The following ETV5 variants were observed in gnomAD, a reference collection of about 807,000 sequenced individuals.
ETV5 encodes the protein ETS translocation variant 5.
ETV5 carries 10 observed loss-of-function variants against 70.0 expected under a neutral mutation model. That is an observed-to-expected ratio of 0.14 (90% CI 0.09 to 0.24). ETV5 has a LOEUF of 0.24. Among genes scored for constraint, ETV5 ranks in the 10% least tolerant of loss-of-function variants. ETV5 has a pLI of 1.00. For missense variants in ETV5, 453 were observed against 651.2 expected (o/e 0.70, Z 3.31); for synonymous variants, 216 against 242.2 (o/e 0.89, Z 1.01).
intron 5 of ETV5, among the ~76,000 whole-genome samples, chr3:186,094,180 T>C (rs1304670519): frequency 1.3e-5 from 2 of 152,226 alleles, no homozygotes; most frequent in South Asian, 4.1e-4. Context: ...AAATTCTTTG[T>C]ATTAATGCTT....
chr3:186,051,429 T>G (rs1175070282), intron 12 of ETV5, among the ~76,000 whole-genome samples: 1 of 152,232 alleles, frequency 6.6e-6, no homozygotes, highest in Admixed American at 6.5e-5. Flanking sequence ...TTGCTACCTA[T>G]CCCACGAAGA....
At chr3:186,074,859 CAAAAAA>C (rs747453303) in intron 7 of ETV5, among the ~76,000 whole-genome samples, 11 of 76,470 alleles carry the variant, frequency 1.4e-4, no homozygotes, top group African/African-American at 4.4e-4. Flanking sequence ...ACTCTGTCTC[CAAAAAA>C]AAAAAAAAAA....
In ETV5 at chr3:186,057,431, C is replaced by T. The variant is rs1431724669; in HGVS notation, c.1031G>A (p.Arg344Lys). The T allele has an allele frequency of 6.2e-7, 1 of 1,614,090 alleles. No individual in the cohort carries two copies. The highest frequency in any genetic ancestry group is 1.1e-5 in the South Asian group (1 of 91,060). ...YFDDTCVVPE[R>K]LEGKVKQEPT... ...TGGATGGGGCTACTTACCTTCCAGTCTCTCAGGCACAACACAAGTGTCGTC... is the reference window on the plus strand; with the variant it reads ...TGGATGGGGCTACTTACCTTCCAGTTTCTCAGGCACAACACAAGTGTCGTC... Residue 344 changes from arginine to lysine, a missense_variant, in exon 10 of 13, where the codon AGA becomes AAA. Transcript: ENST00000306376. This position sits in a 1 kb window ranked among gnomAD's most constrained non-coding sequence, Gnocchi z 4.9.
At chr3:186,049,111 C>G (rs1712957711) in intron 12 of ETV5, among the ~76,000 whole-genome samples, 1 of 152,162 alleles carries the variant, frequency 6.6e-6, no homozygotes, top group Admixed American at 6.6e-5. Context: ...AGAAAATCTT[C>G]ACTTTCTGTC....
chr3:186,080,699 C>T (rs1713911438), intron 6 of ETV5: 2 of 232,786 alleles, frequency 8.6e-6, no homozygotes, highest in Non-Finnish European at 8.5e-6. Context: ...TTCTCTGGTG[C>T]TTAAAGTTCA....
In ETV5 at chr3:186,092,833, C is replaced by T. The variant is rs188244052; in HGVS notation, c.233-11658G>A. On this transcript the variant is annotated intron_variant, in intron 5 of 12. Transcript: ENST00000306376. The stretch of plus-strand genomic sequence containing the variant: ...AGTCTCTCCTCCATTGCTTGTTTAC[C>T]TCAGATAACCCTAAGTCTCTGCTAT... Among the ~76,000 whole-genome samples the T allele has an allele frequency of 9.2e-5, 14 of 152,148 alleles. No individual in the cohort carries two copies. The East Asian group carries it at 2.7e-3, about 29-fold the overall frequency.
At chr3:186,067,943 G>A (rs1713492314) in intron 7 of ETV5, among the ~76,000 whole-genome samples, 2 of 152,156 alleles carry the variant, frequency 1.3e-5, no homozygotes, top group Non-Finnish European at 2.9e-5. Context: ...AATATCTCAA[G>A]AGGAAAAAAA....
At chr3:186,068,955 C>T (rs1159496653) in intron 7 of ETV5, among the ~76,000 whole-genome samples, 1 of 152,190 alleles carries the variant, frequency 6.6e-6, no homozygotes, top group African/African-American at 2.4e-5. Context: ...AGGTCTTATT[C>T]TCTACTTTTA....
chr3:186,056,528 G>A (rs1431579956), intron 11 of ETV5, among the ~76,000 whole-genome samples: 1 of 151,900 alleles, frequency 6.6e-6, no homozygotes, highest in African/African-American at 2.4e-5. Context: ...GATTACAGGT[G>A]TGAGCCACTG....
rs965422797 is a variant in ETV5 at position 186,105,180 on chromosome 3, A to C, written c.232+125T>G. The C allele has an allele frequency of 1.4e-6, 1 of 692,476 alleles. No homozygotes were observed. Among genetic ancestry groups the C allele is most frequent in the Non-Finnish European group, 2.4e-6 (1 of 416,806 alleles). The allele number at this position is 692,476 out of a possible 1,614,324, so 42.9% of individuals were successfully genotyped here. ...TTTTCAGGGTTAATTCTGAATTATT[A>C]GAAGAAACTAAATGCATACTACTGT... On this transcript the variant is annotated intron_variant, in intron 5 of 12. Coordinates refer to ENST00000306376, the MANE Select transcript of ETV5 (RefSeq NM_004454.3). The surrounding 1 kb of genome is among the most constrained non-coding windows in gnomAD (Gnocchi z 4.5).
At chr3:186,096,577 CTTTTT>C (rs1385253569) in intron 5 of ETV5, among the ~76,000 whole-genome samples, 1 of 151,872 alleles carries the variant, frequency 6.6e-6, no homozygotes, top group Non-Finnish European at 1.5e-5. Flanking sequence ...CAGGCCTGTT[CTTTTT>C]TTAATAGGGA....
intron 5 of ETV5, among the ~76,000 whole-genome samples, chr3:186,103,811 G>A (rs1426342180): frequency 1.3e-5 from 2 of 152,268 alleles, no homozygotes; most frequent in African/African-American, 2.4e-5. Context: ...AACCATGCAT[G>A]TGTGTGTTCC....
At chr3:186,096,268 G>C (rs1297687133) in intron 5 of ETV5, among the ~76,000 whole-genome samples, 1 of 152,118 alleles carries the variant, frequency 6.6e-6, no homozygotes, top group Non-Finnish European at 1.5e-5. Context: ...TTAAAATTCA[G>C]ATGAGGAAAC....
intron 5 of ETV5, among the ~76,000 whole-genome samples, chr3:186,103,042 C>G (rs1714497041): frequency 6.6e-6 from 1 of 152,180 alleles, no homozygotes; most frequent in South Asian, 2.1e-4. Context: ...GAAGCTCTAC[C>G]TCAAGAAATA....
intron 9 of ETV5, 45 bp downstream of exon 9, chr3:186,064,372 G>C (rs1713383799): frequency 6.4e-7 from 1 of 1,554,652 alleles, no homozygotes; most frequent in Non-Finnish European, 8.9e-7. Context: ...AAGGAAGAAA[G>C]GAGAGGAGAG....
intron 7 of ETV5, among the ~76,000 whole-genome samples, chr3:186,067,260 C>T (rs535396572): frequency 5.0e-4 from 76 of 152,308 alleles, no homozygotes; most frequent in African/African-American, 1.7e-3. Flanking sequence ...TGGTGAAACC[C>T]GTCTCTACTA....
At position 186,046,416 on chromosome 3, in the gene ETV5, T is replaced by A; in HGVS notation, c.*2223A>T. 4.4e-6 allele frequency: 1 copy of A among 229,728 alleles called. No individual in the cohort carries two copies. 14.2% of individuals were successfully genotyped at this position (229,728 alleles called of 1,614,324 possible). A position where few individuals can be genotyped will look rare whatever the true frequency, so the allele number is the denominator to read the frequency against. On this transcript the variant is annotated 3_prime_UTR_variant, in exon 13 of 13. Transcript: ENST00000306376. ...CCTGCGCAGGGGAAAGTATTTCAAA[T>A]CAGCTGGCAGGTTCAAGCCTTTCTG...
In ETV5 at chr3:186,099,001, C is replaced by T. The variant is rs114107821; in HGVS notation, c.232+6304G>A. On this transcript the variant is annotated intron_variant, in intron 5 of 12. Coordinates refer to ENST00000306376, the MANE Select transcript of ETV5 (RefSeq NM_004454.3). ...GGCCTTTTAATAACTAGATCTTATC[C>T]TGCTCCCTGGAATCTTGCACTCTCT... 3.6e-3 allele frequency among the ~76,000 whole-genome samples: 553 copies of T among 152,276 alleles called. 8 individuals carry two copies. Among genetic ancestry groups the T allele is most frequent in the African/African-American group, 0.013 (527 of 41,550 alleles).
chr3:186,071,441 A>G (rs1475663116), intron 7 of ETV5, among the ~76,000 whole-genome samples: 1 of 152,188 alleles, frequency 6.6e-6, no homozygotes, highest in Non-Finnish European at 1.5e-5. Flanking sequence ...TCCAACCTTT[A>G]CCACTCAGTA....
Sources: gnomAD v4.1 joint callset for allele counts (sites outside exome capture counted in the v4.1 genomes callset) on GRCh38, gnomAD v4.1.1 for gene constraint, Gnocchi (gnomAD v3.1) non-coding constraint, MANE v1.5 for transcripts, NCBI Gene and HGNC (gene_info 2026-07-23, HGNC 2026-07-21) for gene names.